Variants in SPECC1 observed in about 807,000 individuals in gnomAD.
The protein encoded by SPECC1 is sperm antigen with calponin homology and coiled-coil domains 1, also known as cytospin-B.
Under a neutral mutation model 104.1 loss-of-function variants are expected in SPECC1, and 62 were observed. The observed-to-expected ratio is 0.60, with a 90% CI of 0.49 to 0.74. The LOEUF (loss-of-function observed/expected upper bound fraction) is 0.74, where lower values mean the gene tolerates loss of function less well. Ranked by LOEUF, SPECC1 falls within the 30% of genes least tolerant of loss-of-function variation. The pLI, the probability that SPECC1 is intolerant of heterozygous loss-of-function variation, is 0.00. For missense variants in SPECC1, 1,306 were observed against 1,310.5 expected, an observed-to-expected ratio of 1.00 and a Z score of 0.05; for synonymous variants, 513 against 501.6, an observed-to-expected ratio of 1.02 and a Z score of -0.30.
intron 10 of SPECC1, 45 bp from the exon 11 acceptor site, chr17:20,257,406 G>C: frequency 3.3e-6 from 5 of 1,532,988 alleles, no homozygotes; most frequent in Non-Finnish European, 4.4e-6. Context: ...TGGCAGTCAA[G>C]AGCTGCTTCT....
intron 9 of SPECC1, among the ~76,000 whole-genome samples, chr17:20,253,135 G>A (rs1390846348): frequency 1.3e-5 from 2 of 151,788 alleles, no homozygotes; most frequent in Non-Finnish European, 2.9e-5. Flanking sequence ...GTGATGTTGA[G>A]CATCTTTTCA....
chr17:20,252,900 G>T (rs926356693), intron 9 of SPECC1, among the ~76,000 whole-genome samples: 1 of 152,106 alleles, frequency 6.6e-6, no homozygotes, highest in Non-Finnish European at 1.5e-5. Context: ...GGTGTTGCTG[G>T]ATCATTTGGT....
intron 3 of SPECC1, among the ~76,000 whole-genome samples, chr17:20,189,980 TTG>T (rs1198308529): frequency 6.6e-6 from 1 of 152,230 alleles, no homozygotes; most frequent in Admixed American, 6.5e-5. Flanking sequence ...TAGGACTCTT[TTG>T]TGTTTTTTTC....
intron 1 of SPECC1, among the ~76,000 whole-genome samples, chr17:20,047,036 G>A (rs1290404214): frequency 6.6e-6 from 1 of 152,122 alleles, no homozygotes; most frequent in African/African-American, 2.4e-5. Flanking sequence ...GTTGGTAGAT[G>A]GGACCAGACT....
At chr17:20,106,802 G>A (rs2048220263) in intron 2 of SPECC1, among the ~76,000 whole-genome samples, 1 of 152,156 alleles carries the variant, frequency 6.6e-6, no homozygotes, top group African/African-American at 2.4e-5. Flanking sequence ...TTTATTAGCA[G>A]CATGAGAACA....
chr17:20,298,976 TAGAGA>T lies in SPECC1; in HGVS notation c.3057+1900_3057+1904del, dbSNP rs1199801838. Among the ~76,000 whole-genome samples the T allele has an allele frequency of 5.8e-4, 45 of 77,420 alleles. 6 individuals carry two copies. The East Asian group carries it at 8.2e-3, about 14-fold the overall frequency. 50.8% of individuals were successfully genotyped at this position (77,420 alleles called of 152,430 possible). ...GTGTGTGTGTGTGTGTGTGTGTATG[TAGAGA>T]GAGAGAGAGAGAGAGGTGGGGGCTG... On this transcript the variant is annotated intron_variant, in intron 13 of 14. Transcript: ENST00000395527.
intron 13 of SPECC1, among the ~76,000 whole-genome samples, chr17:20,302,878 TA>T (rs35060925): frequency 0.26 from 15,781 of 61,184 alleles, 1,750 homozygotes; most frequent in African/African-American, 0.47. Context: ...TGAGCCCATC[TA>T]AAAAAAAAAA....
At chr17:20,266,042 G>A (rs2040204605) in intron 12 of SPECC1, among the ~76,000 whole-genome samples, 1 of 152,154 alleles carries the variant, frequency 6.6e-6, no homozygotes, top group Admixed American at 6.6e-5. Flanking sequence ...ACTTAAGATT[G>A]CTTTGGCTAT....
chr17:20,065,744 A>G (rs962977026), intron 1 of SPECC1, among the ~76,000 whole-genome samples: 10 of 152,324 alleles, frequency 6.6e-5, no homozygotes, highest in African/African-American at 2.2e-4. Flanking sequence ...TCTCTGTGTA[A>G]CATTCCTTCC....
chr17:20,081,229 G>C (rs923437974), intron 1 of SPECC1, among the ~76,000 whole-genome samples: 2 of 152,236 alleles, frequency 1.3e-5, no homozygotes, highest in Non-Finnish European at 2.9e-5. Flanking sequence ...TGAGCCCCAG[G>C]TGGGGAGGGG....
intron 3 of SPECC1, among the ~76,000 whole-genome samples, chr17:20,193,062 A>T (rs2035777128): frequency 6.6e-6 from 1 of 152,208 alleles, no homozygotes; most frequent in Non-Finnish European, 1.5e-5. Context: ...TTATTTTTTA[A>T]TGATATGCTA....
chr17:20,036,762 G>A (rs1325908654), intron 1 of SPECC1, among the ~76,000 whole-genome samples: 1 of 152,148 alleles, frequency 6.6e-6, no homozygotes, highest in Non-Finnish European at 1.5e-5. Context: ...AACAGGAACA[G>A]TTTTATTTCT....
chr17:20,238,771 C>A, intron 7 of SPECC1: 2 of 1,044,172 alleles, frequency 1.9e-6, no homozygotes, highest in Non-Finnish European at 2.3e-6. Flanking sequence ...AAAACTGCAA[C>A]TTCAACTTAA....
chr17:20,150,161 G>A (rs184798527), intron 3 of SPECC1, among the ~76,000 whole-genome samples: 1 of 151,314 alleles, frequency 6.6e-6, no homozygotes, highest in Admixed American at 6.6e-5. Flanking sequence ...TTTTTTTTTA[G>A]TATAGTAGAG....
chr17:20,176,260 T>C (rs1459336456), intron 3 of SPECC1, among the ~76,000 whole-genome samples: 1 of 152,228 alleles, frequency 6.6e-6, no homozygotes, highest in African/African-American at 2.4e-5. Flanking sequence ...AAATAAATTA[T>C]CAGAAAATGT....
At chr17:20,081,496 C>T (rs28666381) in intron 1 of SPECC1, among the ~76,000 whole-genome samples, 1 of 151,658 alleles carries the variant, frequency 6.6e-6, no homozygotes, top group Non-Finnish European at 1.5e-5. Context: ...AGGAAGCCTG[C>T]GTTTTATTCC....
chr17:20,064,487 G>C (rs1301296273), intron 1 of SPECC1, among the ~76,000 whole-genome samples: 1 of 152,210 alleles, frequency 6.6e-6, no homozygotes, highest in African/African-American at 2.4e-5. Context: ...CAGCCTGGGA[G>C]GGAAGCACAG....
At chr17:20,072,377 C>G (rs1284849524) in intron 1 of SPECC1, among the ~76,000 whole-genome samples, 1 of 152,230 alleles carries the variant, frequency 6.6e-6, no homozygotes, top group Non-Finnish European at 1.5e-5. Context: ...TGCAGAGTCC[C>G]AACCACTACC....
chr17:20,052,103 A>G (rs1159774318), intron 1 of SPECC1, among the ~76,000 whole-genome samples: 3 of 152,246 alleles, frequency 2.0e-5, no homozygotes, highest in African/African-American at 7.2e-5. Flanking sequence ...CTAAAATATT[A>G]TCACTTCATC....
Sources: gnomAD v4.1 joint callset for allele counts (sites outside exome capture counted in the v4.1 genomes callset) on GRCh38, gnomAD v4.1.1 for gene constraint, MANE v1.5 for transcripts, NCBI Gene and HGNC (gene_info 2026-07-23, HGNC 2026-07-21) for gene names.